The following PPM1E variants were observed in gnomAD, a reference collection of about 807,000 sequenced individuals.
PPM1E encodes the protein protein phosphatase, Mg2+/Mn2+ dependent 1E.
A neutral mutation model predicts 65.9 loss-of-function variants in PPM1E; 20 were observed. The observed-to-expected ratio is 0.30, with a 90% CI of 0.21 to 0.44. The LOEUF (loss-of-function observed/expected upper bound fraction) is 0.44, where lower values mean the gene tolerates loss of function less well. Among genes scored for constraint, PPM1E ranks in the 20% least tolerant of loss-of-function variants. The pLI, the probability that PPM1E is intolerant of heterozygous loss-of-function variation, is 1.00. For missense variants in PPM1E, 713 were observed against 953.1 expected (o/e 0.75, Z 3.32); for synonymous variants, 352 against 374.9 (o/e 0.94, Z 0.70).
chr17:58,882,101 G>C (rs2051202120), intron 1 of PPM1E, among the ~76,000 whole-genome samples: 1 of 151,960 alleles, frequency 6.6e-6, no homozygotes, highest in African/African-American at 2.4e-5. Flanking sequence ...ATCCCAGGGA[G>C]GTTGAGGCTG....
intron 1 of PPM1E, among the ~76,000 whole-genome samples, chr17:58,865,469 G>A (rs1471540623): frequency 6.6e-6 from 1 of 152,216 alleles, no homozygotes; most frequent in Admixed American, 6.5e-5. Flanking sequence ...ACTTGGGGAG[G>A]CAGAGGTGAG....
At chr17:58,836,849 G>A (rs1192745302) in intron 1 of PPM1E, among the ~76,000 whole-genome samples, 5 of 146,352 alleles carry the variant, frequency 3.4e-5, no homozygotes, top group South Asian at 2.3e-4. Flanking sequence ...GTGAAACCCC[G>A]TCTCTACTAA....
intron 1 of PPM1E, among the ~76,000 whole-genome samples, chr17:58,854,376 C>T (rs2050859632): frequency 6.6e-6 from 1 of 152,064 alleles, no homozygotes; most frequent in Admixed American, 6.6e-5. Flanking sequence ...TTTACTTTTT[C>T]CTTGCCAATT....
At chr17:58,877,721 G>T (rs547180749) in intron 1 of PPM1E, among the ~76,000 whole-genome samples, 1 of 152,264 alleles carries the variant, frequency 6.6e-6, no homozygotes, top group African/African-American at 2.4e-5. Flanking sequence ...TGGGAAACTT[G>T]TATGGAAATT....
intron 1 of PPM1E, among the ~76,000 whole-genome samples, chr17:58,826,597 A>G (rs1183950813): frequency 6.6e-6 from 1 of 152,160 alleles, no homozygotes; most frequent in Non-Finnish European, 1.5e-5. Context: ...AATGTAACTT[A>G]CTATTTTTAA....
intron 1 of PPM1E, among the ~76,000 whole-genome samples, chr17:58,781,158 T>G (rs2050045970): frequency 8.4e-6 from 1 of 119,656 alleles, no homozygotes; most frequent in Non-Finnish European, 1.9e-5. Flanking sequence ...TTTTTTTTTT[T>G]GAAACGGAGT....
chr17:58,871,828 AAAAG>A (rs2051074305), intron 1 of PPM1E, among the ~76,000 whole-genome samples: 1 of 151,796 alleles, frequency 6.6e-6, no homozygotes, highest in African/African-American at 2.4e-5. Flanking sequence ...AAAAAAAAAA[AAAAG>A]AAGAAGAAGA....
rs2031308134 is a variant in PPM1E, at chr17:58,980,745, G to C, written c.1982G>C (p.Gly661Ala). 1 of 1,614,106 alleles carries C rather than the reference G, an allele frequency of 6.2e-7. No individual in the cohort carries two copies. Among genetic ancestry groups the C allele is most frequent in the Non-Finnish European group, 8.5e-7 (1 of 1,180,002 alleles). ...GLENEQFKSPGNRVSRLSHLR... is the reference protein window; with the variant it reads ...GLENEQFKSPANRVSRLSHLR... ...GAAAATGAACAGTTCAAATCCCCGG[G>C]AAACAGAGTTTCTAGATTGTCTCAT... Residue 661 changes from glycine to alanine, a missense_variant, in exon 7 of 7, where the codon GGA (glycine) becomes GCA (alanine). Transcript: ENST00000308249. This position sits in a 1 kb window ranked among gnomAD's most constrained non-coding sequence, Gnocchi z 4.7.
chr17:58,830,500 G>A (rs2050592667), intron 1 of PPM1E, among the ~76,000 whole-genome samples: 1 of 151,738 alleles, frequency 6.6e-6, no homozygotes, highest in African/African-American at 2.4e-5. Flanking sequence ...TAGAGACGGG[G>A]TTTCACCATG....
chr17:58,899,036 A>G (rs1054263858), intron 1 of PPM1E, among the ~76,000 whole-genome samples: 1 of 152,056 alleles, frequency 6.6e-6, no homozygotes, highest in African/African-American at 2.4e-5. Flanking sequence ...GAGGGATAGC[A>G]TTAGGAGAAA....
At chr17:58,851,367 G>C (rs1019390189) in intron 1 of PPM1E, among the ~76,000 whole-genome samples, 2 of 152,184 alleles carry the variant, frequency 1.3e-5, no homozygotes, top group African/African-American at 4.8e-5. Flanking sequence ...CTGATTTTTA[G>C]AATTTTCAGC....
At chr17:58,777,093 G>C (rs2050001295) in intron 1 of PPM1E, among the ~76,000 whole-genome samples, 1 of 152,038 alleles carries the variant, frequency 6.6e-6, no homozygotes, top group Non-Finnish European at 1.5e-5. Flanking sequence ...AGGCATGGTA[G>C]TGCCTGCCTG....
At chr17:58,945,763 A>G (rs2052141536) in intron 1 of PPM1E, among the ~76,000 whole-genome samples, 1 of 152,188 alleles carries the variant, frequency 6.6e-6, no homozygotes, top group Non-Finnish European at 1.5e-5. Context: ...CTGGTTTGTG[A>G]AAGGATATTA....
rs1029886535 is a variant in PPM1E at position 58,958,886 on chromosome 17, A to G, written c.583+3119A>G. On this transcript the variant is annotated intron_variant, in intron 2 of 6. Transcript: ENST00000308249. Reference sequence around the variant, plus strand: ...GCATGAGCCACTGTGCCCAGCCCCAATCCCTTTTAAAATGAATGCTCCAAC... The same window carrying G: ...GCATGAGCCACTGTGCCCAGCCCCAGTCCCTTTTAAAATGAATGCTCCAAC... 3.3e-5 allele frequency among the ~76,000 whole-genome samples: 5 copies of G among 152,198 alleles called. No homozygotes were observed. The East Asian group carries it at 9.6e-4, about 29-fold the overall frequency.
At chr17:58,838,099 A>G (rs887564227) in intron 1 of PPM1E, among the ~76,000 whole-genome samples, 2 of 152,240 alleles carry the variant, frequency 1.3e-5, no homozygotes, top group African/African-American at 4.8e-5. Context: ...TAAGACTTCT[A>G]GAAGATAACA....
chr17:58,798,307 C>G (rs1214266400), intron 1 of PPM1E, among the ~76,000 whole-genome samples: 2 of 148,970 alleles, frequency 1.3e-5, no homozygotes, highest in East Asian at 4.0e-4. Flanking sequence ...CGGCTTGCTG[C>G]AACCTCCACC....
Position 58,980,117 on chromosome 17 carries a change from G to C in PPM1E, c.1354G>C (p.Asp452His). The C allele has an allele frequency of 6.2e-7, 1 of 1,614,088 alleles. No homozygotes were observed. Among genetic ancestry groups the C allele is most frequent in the Non-Finnish European group, 8.5e-7 (1 of 1,180,006 alleles). ...TGATGAGGCAGTGAAAGTTGTGTCC[G>C]ACCACCTGAAAGAGAATAATGGAGA... ...NPDEAVKVVS[D>H]HLKENNGDSS... Residue 452 changes from aspartate (D) to histidine (H), a missense_variant, in exon 7 of 7, where the codon GAC becomes CAC. Asp to His is a moderately conservative substitution (Grantham distance 81). Transcript: ENST00000308249. This position sits in a 1 kb window ranked among gnomAD's most constrained non-coding sequence, Gnocchi z 4.7.
intron 1 of PPM1E, among the ~76,000 whole-genome samples, chr17:58,936,826 A>G (rs2051987420): frequency 6.6e-6 from 1 of 152,218 alleles, no homozygotes. Context: ...AAATGTTTTT[A>G]TTCAGTAATA....
At chr17:58,954,665 G>A (rs2029865103) in intron 1 of PPM1E, among the ~76,000 whole-genome samples, 1 of 151,956 alleles carries the variant, frequency 6.6e-6, no homozygotes, top group Admixed American at 6.6e-5. Flanking sequence ...ATCACCTGAG[G>A]TCAGGAGTTT....
Sources: gnomAD v4.1 joint callset for allele counts (sites outside exome capture counted in the v4.1 genomes callset) on GRCh38, gnomAD v4.1.1 for gene constraint, Gnocchi (gnomAD v3.1) non-coding constraint, MANE v1.5 for transcripts, NCBI Gene and HGNC (gene_info 2026-07-23, HGNC 2026-07-21) for gene names.